MYOCD: variants seen among roughly 807,000 people sequenced by gnomAD.
MYOCD encodes the protein myocardin.
A neutral mutation model predicts 96.1 loss-of-function variants in MYOCD; 32 were observed. That is an observed-to-expected ratio of 0.33 (90% CI 0.25 to 0.45). The LOEUF (loss-of-function observed/expected upper bound fraction) is 0.45, where lower values mean the gene tolerates loss of function less well. Among genes scored for constraint, MYOCD ranks in the 20% least tolerant of loss-of-function variants. The probability of loss-of-function intolerance (pLI) is 1.00; values close to 1 mark genes in which losing one functional copy is unlikely to be tolerated. For synonymous variants in MYOCD, 469 were observed against 469.0 expected (o/e 1.00, Z 0.00); for missense variants, 1,133 against 1,200.6 (o/e 0.94, Z 0.83).
At chr17:12,672,895 C>A (rs1002391922) in intron 1 of MYOCD, among the ~76,000 whole-genome samples, 14 of 152,170 alleles carry the variant, frequency 9.2e-5, no homozygotes, top group African/African-American at 3.4e-4. Flanking sequence ...TATCAGCAAT[C>A]CCTTCTGACA....
intron 1 of MYOCD, among the ~76,000 whole-genome samples, chr17:12,672,423 T>C (rs1338884363): frequency 2.7e-5 from 4 of 150,772 alleles, no homozygotes; most frequent in African/African-American, 9.7e-5. Flanking sequence ...ATAATGCTTA[T>C]ATGTTTCAGA....
chr17:12,739,419 CGAG>C lies in MYOCD; in HGVS notation c.717+95_717+97del, dbSNP rs879126554. 39 of 1,410,252 alleles carry C rather than the reference CGAG, an allele frequency of 2.8e-5. No homozygotes were observed. The South Asian group carries it at 5.6e-4, about 20-fold the overall frequency. 87.4% of individuals were successfully genotyped at this position (1,410,252 alleles called of 1,614,324 possible). ...ACTTTCTGAGTTAGGTCTGACAACA[CGAG>C]GAGAGTTACACGGAGGACCCAGGCA... On this transcript the variant is annotated intron_variant, in intron 7 of 13. Transcript: ENST00000425538.
At chr17:12,757,604 C>T (rs1477554421) in intron 11 of MYOCD, among the ~76,000 whole-genome samples, 1 of 152,190 alleles carries the variant, frequency 6.6e-6, no homozygotes, top group African/African-American at 2.4e-5. Context: ...TCAAGCGATT[C>T]TTCCGCCTCA....
intron 2 of MYOCD, among the ~76,000 whole-genome samples, chr17:12,714,123 G>A (rs1246725468): frequency 6.6e-6 from 1 of 152,008 alleles, no homozygotes; most frequent in Admixed American, 6.6e-5. Flanking sequence ...AGCCAACATT[G>A]TTAATGTTGG....
At chr17:12,687,069 A>G (rs1333175925) in intron 1 of MYOCD, among the ~76,000 whole-genome samples, 1 of 152,220 alleles carries the variant, frequency 6.6e-6, no homozygotes, top group Non-Finnish European at 1.5e-5. Flanking sequence ...CGAAGTTGGA[A>G]GGTGTTTAGG....
intron 2 of MYOCD, among the ~76,000 whole-genome samples, chr17:12,709,706 G>T (rs535528695): frequency 6.6e-6 from 1 of 152,240 alleles, no homozygotes; most frequent in South Asian, 2.1e-4. Flanking sequence ...ATAGGAAATG[G>T]TTTCACTATC....
At chr17:12,750,957 CTT>C (rs1457318559) in intron 9 of MYOCD, among the ~76,000 whole-genome samples, 1 of 152,018 alleles carries the variant, frequency 6.6e-6, no homozygotes, top group East Asian at 1.9e-4. Flanking sequence ...CTTTTTAACA[CTT>C]TATTATTTGT....
At chr17:12,711,992 T>C (rs2031495435) in intron 2 of MYOCD, among the ~76,000 whole-genome samples, 5 of 151,084 alleles carry the variant, frequency 3.3e-5, no homozygotes, top group Admixed American at 3.3e-4. Flanking sequence ...GGCGCGATCT[T>C]GGCTCACTGC....
chr17:12,751,859 G>A (rs1597808070), intron 9 of MYOCD, among the ~76,000 whole-genome samples: 1 of 152,144 alleles, frequency 6.6e-6, no homozygotes, highest in South Asian at 2.1e-4. Context: ...TCAGGTCGGG[G>A]CACCACCTGA....
At position 12,752,887 on chromosome 17, in the gene MYOCD, G is replaced by A; in HGVS notation, c.1599G>A (p.Trp533Ter). The A allele has an allele frequency of 6.2e-7, 1 of 1,614,100 alleles. No homozygotes were observed. The highest frequency in any genetic ancestry group is 8.5e-7 in the Non-Finnish European group (1 of 1,180,024). ...EKQKVINELT[W>*]KLQQEQRQVE... ...AGAAGGTGATCAATGAACTCACCTGGAAACTCCAGCAAGAGCAGAGGCAGG... is the reference window on the plus strand; with the variant it reads ...AGAAGGTGATCAATGAACTCACCTGAAAACTCCAGCAAGAGCAGAGGCAGG... The change falls in exon 10 of 14, where the codon TGG (tryptophan) becomes TGA (stop). Residue 533 changes from tryptophan to a stop codon, truncating the protein, a stop_gained. Transcript: ENST00000425538. LOFTEE classifies it high-confidence loss of function.
rs79251366 is a variant in MYOCD at position 12,699,424 on chromosome 17, T to G, written c.56-5704T>G. On this transcript the variant is annotated intron_variant, in intron 1 of 13. Transcript: ENST00000425538. ...CAGGCATGAGCCACCATGCCCAGCC[T>G]TCTTTGATCATATATTTCTCTTCTT... 5.6e-3 allele frequency among the ~76,000 whole-genome samples: 848 copies of G among 152,320 alleles called. 6 individuals carry two copies. The highest frequency in any genetic ancestry group is 0.019 in the African/African-American group (782 of 41,566).
intron 1 of MYOCD, among the ~76,000 whole-genome samples, chr17:12,684,845 CAAAAAAAA>C (rs1190970523): frequency 1.5e-5 from 1 of 66,316 alleles, no homozygotes; most frequent in Admixed American, 1.8e-4. Flanking sequence ...GAATTCGTCT[CAAAAAAAA>C]AAAAAAAAAG....
At chr17:12,701,419 A>G (rs1460946984) in intron 1 of MYOCD, among the ~76,000 whole-genome samples, 1 of 152,116 alleles carries the variant, frequency 6.6e-6, no homozygotes, top group Non-Finnish European at 1.5e-5. Flanking sequence ...CTCAAAATAA[A>G]TAAAATAAAA....
rs1182710335 is a variant in MYOCD, at chr17:12,673,441, T to C, written c.55+7198T>C. 2.6e-5 allele frequency among the ~76,000 whole-genome samples: 4 copies of C among 152,222 alleles called. No homozygotes were observed. In the East Asian group the frequency reaches 5.8e-4, roughly 22 times the overall value. ...ATACTCAGCCTTTTTATCGTTAGTATAATAGCATAAATATTTTTCAAGCGG... is the reference window on the plus strand; with the variant it reads ...ATACTCAGCCTTTTTATCGTTAGTACAATAGCATAAATATTTTTCAAGCGG... On this transcript the variant is annotated intron_variant, in intron 1 of 13. Transcript: ENST00000425538.
At chr17:12,682,755 AC>A (rs757010790) in intron 1 of MYOCD, among the ~76,000 whole-genome samples, 2 of 152,188 alleles carry the variant, frequency 1.3e-5, no homozygotes, top group Non-Finnish European at 2.9e-5. Flanking sequence ...CGTTTTGCTC[AC>A]TTTTACAAAC....
chr17:12,749,570 G>GTATATA (rs996791427), intron 9 of MYOCD, among the ~76,000 whole-genome samples: 1 of 146,072 alleles, frequency 6.8e-6, no homozygotes, highest in Non-Finnish European at 1.5e-5. Context: ...ATATGTATAT[G>GTATATA]TATATATACA....
intron 1 of MYOCD, among the ~76,000 whole-genome samples, chr17:12,666,525 A>G (rs1446733851): frequency 2.0e-5 from 3 of 152,154 alleles, no homozygotes; most frequent in African/African-American, 7.2e-5. Flanking sequence ...TTGGAGGGGT[A>G]CATTCAGAGG....
intron 9 of MYOCD, among the ~76,000 whole-genome samples, chr17:12,746,710 A>G (rs2032673733): frequency 6.9e-6 from 1 of 145,818 alleles, no homozygotes; most frequent in Non-Finnish European, 1.5e-5. Context: ...GGAGATGATG[A>G]TGATGATGGT....
At chr17:12,744,979 C>T (rs2032619355) in intron 8 of MYOCD, among the ~76,000 whole-genome samples, 1 of 152,144 alleles carries the variant, frequency 6.6e-6, no homozygotes, top group African/African-American at 2.4e-5. Flanking sequence ...AATCAATGCC[C>T]TTGATAAGAG....
Sources: allele counts gnomAD v4.1 joint callset (sites outside exome capture counted in the v4.1 genomes callset), GRCh38; gene constraint gnomAD v4.1.1; transcripts MANE v1.5; gene names NCBI Gene and HGNC (gene_info 2026-07-23, HGNC 2026-07-21).